SRRM3: variants seen among roughly 807,000 people sequenced by gnomAD.
The protein encoded by SRRM3 is serine/arginine repetitive matrix 3.
In SRRM3, 27 loss-of-function variants were observed where a neutral mutation model predicts 66.2. That is an observed-to-expected ratio of 0.41 (90% CI 0.30 to 0.56). The LOEUF (loss-of-function observed/expected upper bound fraction) is 0.56, where lower values mean the gene tolerates loss of function less well. SRRM3 is among the 20% of genes least tolerant of loss of function. The pLI, the probability that SRRM3 is intolerant of heterozygous loss-of-function variation, is 0.32. For missense variants in SRRM3, 918 were observed against 991.9 expected, an observed-to-expected ratio of 0.93 and a Z score of 1.00; for synonymous variants, 391 against 414.9, an observed-to-expected ratio of 0.94 and a Z score of 0.70.
intron 1 of SRRM3, among the ~76,000 whole-genome samples, chr7:76,205,986 G>C (rs1016083988): frequency 1.4e-5 from 2 of 139,164 alleles, no homozygotes; most frequent in Non-Finnish European, 3.3e-5. Flanking sequence ...CTTCGTGGGT[G>C]GGGGGTCATC....
rs907304554 is a variant in SRRM3 at position 76,257,526 on chromosome 7, T to G, written c.336-2380T>G. On this transcript the variant is annotated intron_variant, in intron 3 of 14. Coordinates refer to ENST00000611745, the MANE Select transcript of SRRM3 (RefSeq NM_001110199.3). ...AGTACTTTGGGAGGCCAAGGCAAGA[T>G]AATTTCTTGAGCAATCCTCCTGGGT... Among the ~76,000 whole-genome samples the G allele has an allele frequency of 6.5e-4, 97 of 148,484 alleles. 1 individual carries two copies. Among genetic ancestry groups the G allele is most frequent in the African/African-American group, 2.3e-3 (94 of 40,184 alleles).
At chr7:76,216,013 TAGTC>T (rs1408338392) in intron 1 of SRRM3, among the ~76,000 whole-genome samples, 1 of 151,680 alleles carries the variant, frequency 6.6e-6, no homozygotes, top group Non-Finnish European at 1.5e-5. Context: ...TTCACCGTGT[TAGTC>T]AGGATGGTCT....
At position 76,243,659 on chromosome 7, in the gene SRRM3, C is replaced by A. The variant is rs528437116; in HGVS notation, c.234-4529C>A. On this transcript the variant is annotated intron_variant, in intron 2 of 14. Coordinates refer to ENST00000611745, the MANE Select transcript of SRRM3 (RefSeq NM_001110199.3). ...AGGGGGCTTGGATCCTGGCCTGAAA[C>A]CCCCTGCCAGCCCCCCACAAGCAGC... is the stretch of plus-strand genomic sequence containing the variant. Among the ~76,000 whole-genome samples the A allele has an allele frequency of 7.9e-5, 12 of 152,308 alleles. No homozygotes were observed. The South Asian group carries it at 2.1e-3, about 26-fold the overall frequency.
In SRRM3 at chr7:76,261,375, G is replaced by T. The variant is rs782795402; in HGVS notation, c.599G>T (p.Arg200Leu). Residue 200 changes from arginine to leucine, a missense_variant, in exon 7 of 15, where the codon CGC becomes CTC. Arg to Leu is a moderately radical substitution (Grantham distance 102). Transcript: ENST00000611745. The stretch of plus-strand genomic sequence containing the variant: ...AGCTGTGGGAGCTCCTCACCCCTCC[G>T]CAAGAAGAAGAAGAGTGTGAAGAAG... ...ECSCGSSSPL[R>L]KKKKSVKKHR... The T allele has an allele frequency of 1.2e-5, 19 of 1,586,412 alleles. No homozygotes were observed. Among genetic ancestry groups the T allele is most frequent in the Non-Finnish European group, 1.5e-5 (18 of 1,172,890 alleles).
chr7:76,221,466 C>A (rs1386153180), intron 1 of SRRM3, among the ~76,000 whole-genome samples: 2 of 150,282 alleles, frequency 1.3e-5, no homozygotes, highest in East Asian at 3.9e-4. Context: ...AGGTTCACAC[C>A]ATTCTCCTGC....
rs78752858 is a variant in SRRM3, at chr7:76,223,272, C to T, written c.-39-11756C>T. On this transcript the variant is annotated intron_variant, in intron 1 of 14. Transcript: ENST00000611745. ...CTCTTGGTCCTCTGGTCCTTACCCC[C>T]CCAGCCCCACGCTCTTGGGCAGTGA... Among the ~76,000 whole-genome samples the T allele has an allele frequency of 8.3e-3, 1,271 of 152,296 alleles. 24 individuals are homozygous for T. The highest frequency in any genetic ancestry group is 0.029 in the African/African-American group (1,194 of 41,566).
At position 76,261,434 on chromosome 7, in the gene SRRM3, C is replaced by G. The variant is rs376301172; in HGVS notation, c.638+20C>G. 48 of 1,602,900 alleles carry G rather than the reference C, an allele frequency of 3.0e-5. 1 individual carries two copies. Among genetic ancestry groups the G allele is most frequent in the Non-Finnish European group, 4.0e-5 (47 of 1,174,858 alleles). On this transcript the variant is annotated intron_variant, in intron 7 of 14. Transcript: ENST00000611745. ...AGACAGGTACCCTTGCTGCCCCCAC[C>G]CTGGGGCCTCCTCTTCCTCCCGTGG... is the stretch of plus-strand genomic sequence containing the variant.
intron 11 of SRRM3, among the ~76,000 whole-genome samples, chr7:76,276,652 A>G (rs1489833137): frequency 6.6e-6 from 1 of 152,090 alleles, no homozygotes; most frequent in Non-Finnish European, 1.5e-5. Flanking sequence ...TGAGCATCCT[A>G]TGAAATCCCA....
chr7:76,280,268 G>T (rs1255549397), intron 11 of SRRM3, among the ~76,000 whole-genome samples: 2 of 152,240 alleles, frequency 1.3e-5, no homozygotes, highest in Admixed American at 6.5e-5. Context: ...TATTGTTTTT[G>T]ATTTTTGGTA....
In SRRM3 at chr7:76,283,097, AC is replaced by A; in HGVS notation, c.1731del (p.Ser578AlafsTer21). 6.9e-7 allele frequency: 1 copy of A among 1,447,650 alleles called. No homozygotes were observed. Among genetic ancestry groups the A allele is most frequent in the East Asian group, 2.7e-5 (1 of 37,376 alleles). 89.7% of individuals were successfully genotyped at this position (1,447,650 alleles called of 1,614,324 possible). A position where few individuals can be genotyped will look rare whatever the true frequency, so the allele number is the denominator to read the frequency against. On this transcript the variant is annotated frameshift_variant, in exon 14 of 15. Transcript: ENST00000611745. LOFTEE classifies it high-confidence loss of function. ...AAGCTTCATGGAGCCGCGGCGCATC[AC>A]CAGGTATGGAGGGTCTTGGGGGGGC... ...SPSFMEPRRI[T>X]SARKRPIPYY...
chr7:76,258,533 T>G (rs1332036104), intron 3 of SRRM3, among the ~76,000 whole-genome samples: 2 of 149,374 alleles, frequency 1.3e-5, no homozygotes, highest in Non-Finnish European at 3.0e-5. Flanking sequence ...GCCAGCATGG[T>G]GAAACCCCGT....
chr7:76,251,819 T>G (rs1340022806), intron 3 of SRRM3, among the ~76,000 whole-genome samples: 1 of 151,650 alleles, frequency 6.6e-6, no homozygotes, highest in Non-Finnish European at 1.5e-5. Flanking sequence ...TCCCAGCATT[T>G]TGGGAGGCTG....
chr7:76,240,172 A>G (rs1402152482), intron 2 of SRRM3, among the ~76,000 whole-genome samples: 1 of 151,482 alleles, frequency 6.6e-6, no homozygotes, highest in Admixed American at 6.6e-5. Context: ...GTCTCAAATA[A>G]TAATAACAAT....
intron 12 of SRRM3, 85 bp from the exon 13 acceptor site, chr7:76,282,563 T>TC: frequency 4.9e-6 from 1 of 202,966 alleles, no homozygotes; most frequent in Non-Finnish European, 7.3e-6. Context: ...CCCTCCGCCC[T>TC]AAGCCCCGCC....
intron 2 of SRRM3, among the ~76,000 whole-genome samples, chr7:76,247,377 C>A (rs1301836363): frequency 1.3e-5 from 2 of 152,028 alleles, no homozygotes; most frequent in Non-Finnish European, 2.9e-5. Context: ...GCAGCCTTAC[C>A]CTTGCAGAAA....
chr7:76,215,242 A>G (rs2116947658), intron 1 of SRRM3, among the ~76,000 whole-genome samples: 1 of 152,124 alleles, frequency 6.6e-6, no homozygotes, highest in Non-Finnish European at 1.5e-5. Context: ...AAAAAAAACT[A>G]CTATGAAATG....
At chr7:76,283,874 C>T in intron 14 of SRRM3, 1 of 980,378 alleles carries the variant, frequency 1.0e-6, no homozygotes, top group South Asian at 4.7e-5. Flanking sequence ...ACCCTGAAGC[C>T]CTAGATTACC....
At chr7:76,257,443 TAAAA>T (rs34478728) in intron 3 of SRRM3, among the ~76,000 whole-genome samples, 7 of 95,268 alleles carry the variant, frequency 7.3e-5, no homozygotes, top group Admixed American at 1.2e-4. Flanking sequence ...CTTGTTCAAT[TAAAA>T]AAAAAAAAAA....
intron 2 of SRRM3, among the ~76,000 whole-genome samples, chr7:76,246,390 C>G (rs1041384453): frequency 6.6e-6 from 1 of 151,878 alleles, no homozygotes; most frequent in African/African-American, 2.4e-5. Flanking sequence ...ATAGTGAAAC[C>G]CCATCTCTAC....
Sources: allele counts gnomAD v4.1 joint callset (sites outside exome capture counted in the v4.1 genomes callset), GRCh38; gene constraint gnomAD v4.1.1; transcripts MANE v1.5; gene names NCBI Gene and HGNC (gene_info 2026-07-23, HGNC 2026-07-21).